FOXP1: variants seen among roughly 807,000 people sequenced by gnomAD.
FOXP1 encodes forkhead box P1.
FOXP1 carries 15 observed loss-of-function variants against 98.2 expected under a neutral mutation model. The ratio of observed to expected loss-of-function variants is 0.15; its 90% CI spans 0.10 to 0.24. The LOEUF is 0.24. Among genes scored for constraint, FOXP1 ranks in the 10% least tolerant of loss-of-function variants. The pLI is 1.00. For missense variants in FOXP1, 633 were observed against 848.5 expected (o/e 0.75, Z 3.15); for synonymous variants, 371 against 314.5 (o/e 1.18, Z -1.90).
chr3:71,024,382 A>G (rs1158012904), intron 11 of FOXP1, among the ~76,000 whole-genome samples: 1 of 152,202 alleles, frequency 6.6e-6, no homozygotes, highest in Non-Finnish European at 1.5e-5. Flanking sequence ...CACTGCAGAA[A>G]AACACCACCC....
rs1330822972 is a variant in FOXP1, at chr3:71,202,947, G to T, written c.-11-4555C>A. 2.0e-5 allele frequency among the ~76,000 whole-genome samples: 3 copies of T among 152,284 alleles called. No individual in the cohort carries two copies. The East Asian group carries it at 5.8e-4, about 29-fold the overall frequency. ...CACCCTCTTTTCTTCGAGGAAGCTT[G>T]TCTCAGGCACCCGGTATGCATAACC... is the stretch of plus-strand genomic sequence containing the variant. On this transcript the variant is annotated intron_variant, in intron 5 of 20. Coordinates refer to ENST00000649528, the MANE Select transcript of FOXP1 (RefSeq NM_001349338.3).
intron 7 of FOXP1, among the ~76,000 whole-genome samples, chr3:71,081,845 T>G (rs1010021635): frequency 1.4e-4 from 22 of 152,244 alleles, no homozygotes; most frequent in African/African-American, 5.3e-4. Context: ...GTGTACACAG[T>G]AGTCACAAAT....
At chr3:71,423,960 G>C (rs1039632996) in intron 3 of FOXP1, among the ~76,000 whole-genome samples, 1 of 152,108 alleles carries the variant, frequency 6.6e-6, no homozygotes, top group Admixed American at 6.6e-5. Context: ...CTTATTTTAT[G>C]TACATATTTA....
intron 13 of FOXP1, among the ~76,000 whole-genome samples, chr3:71,000,197 G>A (rs1449877198): frequency 6.6e-6 from 1 of 151,074 alleles, no homozygotes; most frequent in African/African-American, 2.4e-5. Context: ...AAAAAAAAAG[G>A]CCCCATCTCT....
intron 6 of FOXP1, among the ~76,000 whole-genome samples, chr3:71,140,327 G>T (rs560779830): frequency 6.6e-6 from 1 of 152,248 alleles, no homozygotes; most frequent in East Asian, 1.9e-4. Context: ...AGATTTGATC[G>T]CATTTATGAC....
intron 5 of FOXP1, among the ~76,000 whole-genome samples, chr3:71,202,298 G>T (rs1309000050): frequency 6.6e-6 from 1 of 152,228 alleles, no homozygotes; most frequent in Non-Finnish European, 1.5e-5. Context: ...AGTGCTAACA[G>T]TAGTATGTAG....
rs1326487065 is a variant in FOXP1, at chr3:71,112,326, C to T, written c.282+210G>A. ...ACTCCTTATCCTTCTATTATATTCA[C>T]TAATCAGCAGATCTTACTCCTGACA... is the stretch of plus-strand genomic sequence containing the variant. On this transcript the variant is annotated intron_variant, in intron 7 of 20. Transcript: ENST00000649528. 2.0e-5 allele frequency among the ~76,000 whole-genome samples: 3 copies of T among 152,164 alleles called. No individual in the cohort carries two copies. The East Asian group carries it at 5.8e-4, about 29-fold the overall frequency.
intron 4 of FOXP1, among the ~76,000 whole-genome samples, chr3:71,310,147 T>C (rs2074582722): frequency 6.6e-6 from 1 of 152,212 alleles, no homozygotes; most frequent in African/African-American, 2.4e-5. Context: ...ATGATCAGAA[T>C]CTATTATTTT....
intron 5 of FOXP1, among the ~76,000 whole-genome samples, chr3:71,235,238 G>A (rs1384260233): frequency 6.6e-6 from 1 of 152,154 alleles, no homozygotes; most frequent in African/African-American, 2.4e-5. Flanking sequence ...TCACTTTTCT[G>A]TAGGGGTTGG....
In FOXP1 at chr3:71,198,153, A is replaced by G. The variant is rs2037474; in HGVS notation, c.180+49T>C. On this transcript the variant is annotated intron_variant, in intron 6 of 20. Transcript: ENST00000649528. Reference sequence around the variant, plus strand: ...GCGATTAAGTGTAAAATTCAGCAGTAAAATTCGCACCCACCACCTCCACCT... The same window carrying G: ...GCGATTAAGTGTAAAATTCAGCAGTGAAATTCGCACCCACCACCTCCACCT... 0.16 allele frequency: 251,304 copies of G among 1,613,662 alleles called. 24,079 individuals carry two copies. Among genetic ancestry groups the G allele is most frequent in the East Asian group, 0.36 (15,997 of 44,874 alleles).
chr3:71,233,316 C>G (rs1292543918), intron 5 of FOXP1, among the ~76,000 whole-genome samples: 4 of 151,910 alleles, frequency 2.6e-5, no homozygotes, highest in Non-Finnish European at 5.9e-5. Flanking sequence ...CAAGAAAGGT[C>G]TATGGTCCAA....
chr3:71,060,611 G>GA (rs1163251431), intron 7 of FOXP1, among the ~76,000 whole-genome samples: 1 of 152,074 alleles, frequency 6.6e-6, no homozygotes, highest in East Asian at 1.9e-4. Flanking sequence ...CAGGTTAGAT[G>GA]AAAAAAATCA....
intron 14 of FOXP1, among the ~76,000 whole-genome samples, chr3:70,983,379 C>T (rs184075801): frequency 1.2e-4 from 19 of 152,262 alleles, no homozygotes; most frequent in Admixed American, 1.2e-3. Flanking sequence ...TATTATTTCT[C>T]CAACTCTAAA....
intron 5 of FOXP1, among the ~76,000 whole-genome samples, chr3:71,229,096 C>T (rs908721919): frequency 6.6e-6 from 1 of 151,610 alleles, no homozygotes; most frequent in Non-Finnish European, 1.5e-5. Context: ...TATACAAATG[C>T]TAATGCTTTG....
chr3:71,362,474 T>C (rs551704295), intron 3 of FOXP1, among the ~76,000 whole-genome samples: 2 of 152,220 alleles, frequency 1.3e-5, no homozygotes, highest in African/African-American at 2.4e-5. Flanking sequence ...CCCAGCCCTA[T>C]TATTTACTTT....
intron 3 of FOXP1, among the ~76,000 whole-genome samples, chr3:71,449,879 A>G (rs187988293): frequency 2.3e-4 from 35 of 152,358 alleles, no homozygotes; most frequent in Admixed American, 5.2e-4. Context: ...ATAACTAAAT[A>G]CAATCTCACA....
chr3:71,151,283 G>A (rs1027389933), intron 6 of FOXP1, among the ~76,000 whole-genome samples: 6 of 152,094 alleles, frequency 3.9e-5, no homozygotes, highest in African/African-American at 1.2e-4. Context: ...CTTCTTTTGC[G>A]AAGACCCGGA....
intron 7 of FOXP1, among the ~76,000 whole-genome samples, chr3:71,074,470 A>G (rs1349881372): frequency 6.6e-6 from 1 of 152,124 alleles, no homozygotes; most frequent in Non-Finnish European, 1.5e-5. Context: ...CAGGTGATTC[A>G]CCCACATAGG....
chr3:71,502,785 G>A (rs537341509), intron 2 of FOXP1, among the ~76,000 whole-genome samples: 7 of 152,236 alleles, frequency 4.6e-5, no homozygotes, highest in East Asian at 3.9e-4. Context: ...CAACAGCAGG[G>A]GTAGTCCTAT....
Sources: allele counts gnomAD v4.1 joint callset (sites outside exome capture counted in the v4.1 genomes callset), GRCh38; gene constraint gnomAD v4.1.1; transcripts MANE v1.5; gene names NCBI Gene and HGNC (gene_info 2026-07-23, HGNC 2026-07-21).